FLT1: variants seen among roughly 807,000 people sequenced by gnomAD.
FLT1 encodes fms related receptor tyrosine kinase 1.
In FLT1, 49 loss-of-function variants were observed where a neutral mutation model predicts 156.3. The ratio of observed to expected loss-of-function variants is 0.31; its 90% CI spans 0.25 to 0.40. The LOEUF is 0.40. Among genes scored for constraint, FLT1 ranks in the 10% least tolerant of loss-of-function variants. The pLI, the probability that FLT1 is intolerant of heterozygous loss-of-function variation, is 1.00. For missense variants in FLT1, 1,322 were observed against 1,637.2 expected (o/e 0.81, Z 3.32); for synonymous variants, 594 against 583.8 (o/e 1.02, Z -0.25).
At chr13:28,369,790 A>G (rs1304459981) in intron 14 of FLT1, among the ~76,000 whole-genome samples, 1 of 152,262 alleles carries the variant, frequency 6.6e-6, no homozygotes, top group Non-Finnish European at 1.5e-5. Flanking sequence ...CATAGCGTCT[A>G]AAGGAGACTT....
chr13:28,304,492 T>A (rs1233852322), intron 29 of FLT1, among the ~76,000 whole-genome samples: 1 of 152,020 alleles, frequency 6.6e-6, no homozygotes, highest in Non-Finnish European at 1.5e-5. Flanking sequence ...ATAACCCATA[T>A]CTGCCCACCT....
intron 27 of FLT1, among the ~76,000 whole-genome samples, chr13:28,309,134 T>C (rs942475041): frequency 1.3e-5 from 2 of 152,148 alleles, no homozygotes; most frequent in Non-Finnish European, 2.9e-5. Flanking sequence ...ATTCACATTC[T>C]GTAGGGTTGA....
chr13:28,308,723 C>A, intron 28 of FLT1, 120 bp downstream of exon 28: 1 of 734,826 alleles, frequency 1.4e-6, no homozygotes, highest in Non-Finnish European at 2.5e-6. Context: ...TCATTTCAGC[C>A]ACTCCTGAAT....
At chr13:28,357,508 T>C (rs1391965075) in intron 15 of FLT1, 46 bp downstream of exon 15, 1 of 1,604,814 alleles carries the variant, frequency 6.2e-7, no homozygotes, top group Non-Finnish European at 8.5e-7. Context: ...AACAGGGAAA[T>C]AGATGTCTGA....
At chr13:28,395,595 TA>T (rs1239526485) in intron 12 of FLT1, among the ~76,000 whole-genome samples, 2 of 151,646 alleles carry the variant, frequency 1.3e-5, no homozygotes, top group African/African-American at 4.8e-5. Context: ...ATTTTACTTT[TA>T]AAAAAACGTG....
chr13:28,303,481 A>T, intron 29 of FLT1, 113 bp from the exon 30 acceptor site: 3 of 818,292 alleles, frequency 3.7e-6, no homozygotes, highest in Non-Finnish European at 5.6e-6. Flanking sequence ...TCTAGAGTTC[A>T]TGGTTTTGGA....
chr13:28,368,512 C>T, intron 14 of FLT1: 1 of 1,542,252 alleles, frequency 6.5e-7, no homozygotes, highest in Non-Finnish European at 8.7e-7. Flanking sequence ...TTGAAGTTGA[C>T]ACATAATAGT....
intron 6 of FLT1, among the ~76,000 whole-genome samples, chr13:28,432,009 C>T (rs1877711766): frequency 6.6e-6 from 1 of 152,168 alleles, no homozygotes; most frequent in African/African-American, 2.4e-5. Flanking sequence ...CCAGGTTTGT[C>T]TCAGAGAAGA....
intron 3 of FLT1, among the ~76,000 whole-genome samples, chr13:28,463,418 A>C (rs535889652): frequency 5.9e-5 from 9 of 152,306 alleles, no homozygotes; most frequent in Non-Finnish European, 1.3e-4. Flanking sequence ...TGACATGTAG[A>C]CAGAGCTATA....
chr13:28,344,804 T>G (rs1417213857), intron 16 of FLT1, among the ~76,000 whole-genome samples: 20 of 130,980 alleles, frequency 1.5e-4, no homozygotes, highest in African/African-American at 5.9e-4. Context: ...TTTTTTTTTT[T>G]TTTTTTTTTT....
intron 14 of FLT1, among the ~76,000 whole-genome samples, chr13:28,359,938 C>T (rs1873047162): frequency 6.6e-6 from 1 of 152,134 alleles, no homozygotes; most frequent in African/African-American, 2.4e-5. Context: ...TGATGAAACC[C>T]AGTCTCTACT....
intron 16 of FLT1, among the ~76,000 whole-genome samples, chr13:28,340,471 CA>C (rs1191313902): frequency 1.3e-5 from 2 of 152,092 alleles, no homozygotes; most frequent in Non-Finnish European, 2.9e-5. Context: ...TGTTAATGGG[CA>C]AATTTCTAGA....
rs549746932 is a variant in FLT1, at chr13:28,304,060, T to G, written c.3816-692A>C. Among the ~76,000 whole-genome samples, 125 of 152,298 alleles carry G rather than the reference T, an allele frequency of 8.2e-4. 2 individuals are homozygous for G. The highest frequency in any genetic ancestry group is 1.3e-3 in the Admixed American group (20 of 15,304). On this transcript the variant is annotated intron_variant, in intron 29 of 29. Coordinates refer to ENST00000282397, the MANE Select transcript of FLT1 (RefSeq NM_002019.4). ...CCCTTTAATATTCGTTCAAATTTTT[T>G]ATTTTCAAAGGATCTGGGATGAGGC...
Position 28,494,853 on chromosome 13 carries a change from G to T in FLT1, c.-10C>A. 1 of 1,543,240 alleles carries T rather than the reference G, an allele frequency of 6.5e-7. No individual in the cohort carries two copies. On this transcript the variant is annotated 5_prime_UTR_variant, in exon 1 of 30. Transcript: ENST00000282397. ...CCCAGTAGCTGACCATGGTGAGCGC[G>T]ACGCGGCCTGCTCGCCCGGTGCCCG...
chr13:28,389,364 G>A, intron 13 of FLT1: 1 of 1,262,974 alleles, frequency 7.9e-7, no homozygotes, highest in African/African-American at 1.5e-5. Flanking sequence ...AGTTTGTGCA[G>A]CTTCAACACT....
intron 10 of FLT1, among the ~76,000 whole-genome samples, chr13:28,412,389 T>TTTCTTTCTTTCCTTCC (rs1566013184): frequency 2.9e-5 from 4 of 139,120 alleles, no homozygotes; most frequent in African/African-American, 8.0e-5. Flanking sequence ...TCTTTCTTTC[T>TTTCTTTCTTTCCTTCC]TTCTTTCTTT....
chr13:28,419,808 G>T (rs529122565), intron 10 of FLT1, among the ~76,000 whole-genome samples: 1 of 152,218 alleles, frequency 6.6e-6, no homozygotes, highest in South Asian at 2.1e-4. Context: ...GAACCCAGGA[G>T]GCGGAGGTTG....
intron 25 of FLT1, 71 bp downstream of exon 25, chr13:28,317,427 C>T: frequency 1.0e-6 from 1 of 956,760 alleles, no homozygotes; most frequent in Non-Finnish European, 1.7e-6. Context: ...ATCCATAAAA[C>T]ATCCCCTCTC....
Position 28,354,054 on chromosome 13 carries a change from C to T in FLT1, c.2248+3500G>A, listed in dbSNP as rs187420682. On this transcript the variant is annotated intron_variant, in intron 15 of 29. Transcript: ENST00000282397. Reference sequence around the variant, plus strand: ...CTAAACTCAATTTGACAAGATAGGTCAGTGTGAGGGTCCATATGCATCTAA... The same window carrying T: ...CTAAACTCAATTTGACAAGATAGGTTAGTGTGAGGGTCCATATGCATCTAA... Among the ~76,000 whole-genome samples, 130 of 152,268 alleles carry T rather than the reference C, an allele frequency of 8.5e-4. 2 individuals are homozygous for T. The highest frequency in any genetic ancestry group is 2.9e-3 in the African/African-American group (120 of 41,544).
Sources: allele counts gnomAD v4.1 joint callset (sites outside exome capture counted in the v4.1 genomes callset), GRCh38; gene constraint gnomAD v4.1.1; transcripts MANE v1.5; gene names NCBI Gene and HGNC (gene_info 2026-07-23, HGNC 2026-07-21).